Variants in PDE8B observed in about 807,000 individuals in gnomAD.
PDE8B encodes the protein high affinity cAMP-specific and IBMX-insensitive 3',5'-cyclic phosphodiesterase 8B.
Under a neutral mutation model 101.3 loss-of-function variants are expected in PDE8B, and 26 were observed. The observed-to-expected ratio is 0.26, with a 90% CI of 0.19 to 0.36. The LOEUF (loss-of-function observed/expected upper bound fraction) is 0.36, where lower values mean the gene tolerates loss of function less well. Ranked by LOEUF, PDE8B falls within the 10% of genes least tolerant of loss-of-function variation. PDE8B has a pLI of 1.00. For missense variants in PDE8B, 810 were observed against 1,163.1 expected (o/e 0.70, Z 4.42); for synonymous variants, 424 against 429.3 (o/e 0.99, Z 0.15).
upstream of PDE8B, among the ~76,000 whole-genome samples, chr5:77,206,822 T>C (rs1351277972): frequency 6.6e-6 from 1 of 152,220 alleles, no homozygotes; most frequent in Non-Finnish European, 1.5e-5. Context: ...GGTTCTGTTG[T>C]GCACGTGGAT....
rs192709755 is a variant in PDE8B, at chr5:77,360,048, G to C, written c.1167+6642G>C. Among the ~76,000 whole-genome samples the C allele has an allele frequency of 3.7e-3, 554 of 151,068 alleles. 1 individual carries two copies. Among genetic ancestry groups the C allele is most frequent in the African/African-American group, 0.013 (514 of 41,040 alleles). On this transcript the variant is annotated intron_variant, in intron 10 of 21. Coordinates refer to ENST00000264917, the MANE Select transcript of PDE8B (RefSeq NM_003719.5). Reference sequence around the variant, plus strand: ...GGAGGTTGTAGCAAGCCAAGATCATGCCGCTGCACTCCAGCCTGGGTGACA... The same window carrying C: ...GGAGGTTGTAGCAAGCCAAGATCATCCCGCTGCACTCCAGCCTGGGTGACA...
At chr5:77,407,671 G>T (rs1793755507) in intron 13 of PDE8B, among the ~76,000 whole-genome samples, 1 of 152,200 alleles carries the variant, frequency 6.6e-6, no homozygotes, top group African/African-American at 2.4e-5. Context: ...TTAGAGTAGG[G>T]CCCTTAAGTA....
the PDE8B span, among the ~76,000 whole-genome samples, chr5:77,171,913 T>G: frequency 6.6e-6 from 1 of 152,090 alleles, no homozygotes; most frequent in Non-Finnish European, 1.5e-5. Context: ...GTCAGACTCC[T>G]AGGGCACAGG....
chr5:77,351,354 C>G (rs77312696), intron 9 of PDE8B, among the ~76,000 whole-genome samples: 1 of 152,264 alleles, frequency 6.6e-6, no homozygotes, highest in African/African-American at 2.4e-5. Flanking sequence ...GAAGCATCAC[C>G]CCAACCTCCC....
intron 10 of PDE8B, among the ~76,000 whole-genome samples, chr5:77,374,760 A>G (rs959211003): frequency 3.9e-5 from 6 of 152,238 alleles, no homozygotes; most frequent in Non-Finnish European, 8.8e-5. Context: ...TTAATCTACT[A>G]TGTACCCAAG....
At chr5:77,230,611 C>T (rs1360729786) in intron 1 of PDE8B, among the ~76,000 whole-genome samples, 5 of 152,132 alleles carry the variant, frequency 3.3e-5, no homozygotes, top group African/African-American at 9.7e-5. Context: ...GGATTACAGG[C>T]GCCCACCATC....
chr5:77,100,752 C>T, the PDE8B span, among the ~76,000 whole-genome samples: 5 of 152,042 alleles, frequency 3.3e-5, no homozygotes, highest in African/African-American at 9.7e-5. Context: ...CTTATCCCAC[C>T]GTGATTTCAG....
At chr5:77,180,004 G>A in the PDE8B span, among the ~76,000 whole-genome samples, 2 of 152,200 alleles carry the variant, frequency 1.3e-5, no homozygotes, top group Admixed American at 1.3e-4. Context: ...GTTGAGGGCT[G>A]CAGGCAAATC....
the PDE8B span, among the ~76,000 whole-genome samples, chr5:77,194,927 C>A: frequency 6.6e-6 from 1 of 152,142 alleles, no homozygotes; most frequent in Admixed American, 6.5e-5. Context: ...TGTTTGAATA[C>A]CTGTTGTCAG....
At chr5:77,091,574 G>A in the PDE8B span, among the ~76,000 whole-genome samples, 1 of 152,140 alleles carries the variant, frequency 6.6e-6, no homozygotes. Flanking sequence ...CCCGGAGGCG[G>A]AGGTTGCAGC....
chr5:77,257,114 A>G (rs1759345018), intron 1 of PDE8B, among the ~76,000 whole-genome samples: 2 of 152,198 alleles, frequency 1.3e-5, no homozygotes, highest in Admixed American at 6.5e-5. Flanking sequence ...TTTCAGAAAT[A>G]CTTAGTACAT....
Position 77,408,884 on chromosome 5 carries a change from C to T in PDE8B, c.1366-9C>T. ...TATCCTCAGATGTATTCTTTCTTCA[C>T]TCCGTTAGGTTATAAATATAATCAA... is the stretch of plus-strand genomic sequence containing the variant. On this transcript the variant is annotated splice_polypyrimidine_tract_variant and intron_variant, in intron 13 of 21. Coordinates refer to ENST00000264917, the MANE Select transcript of PDE8B (RefSeq NM_003719.5). 1.9e-6 allele frequency: 3 copies of T among 1,609,138 alleles called. No homozygotes were observed. The highest frequency in any genetic ancestry group is 2.6e-6 in the Non-Finnish European group (3 of 1,175,440).
chr5:77,389,104 C>G (rs1045518510), intron 10 of PDE8B, among the ~76,000 whole-genome samples: 3 of 151,946 alleles, frequency 2.0e-5, no homozygotes, highest in Non-Finnish European at 2.9e-5. Flanking sequence ...GTGTTCCAGG[C>G]AGCACTAGGG....
chr5:77,280,898 A>AAAACAAAC (rs112803670), intron 1 of PDE8B, among the ~76,000 whole-genome samples: 7 of 151,840 alleles, frequency 4.6e-5, no homozygotes, highest in South Asian at 2.1e-4. Context: ...CTCTGTCTCA[A>AAAACAAAC]AAACAAACAA....
chr5:77,254,760 G>C (rs1561421674), intron 1 of PDE8B, among the ~76,000 whole-genome samples: 1 of 152,130 alleles, frequency 6.6e-6, no homozygotes, highest in African/African-American at 2.4e-5. Context: ...GCTGTTTTCT[G>C]TTCTTCTTGA....
intron 17 of PDE8B, among the ~76,000 whole-genome samples, chr5:77,416,370 G>A (rs1432648099): frequency 3.3e-5 from 5 of 152,210 alleles, no homozygotes; most frequent in Admixed American, 6.5e-5. Flanking sequence ...TTTGGGCCCC[G>A]TGGGTTCTCA....
rs1272853555 is a variant in PDE8B at position 77,210,763 on chromosome 5, CG to C, written c.-157del. 2 of 981,908 alleles carry C rather than the reference CG, an allele frequency of 2.0e-6. No individual in the cohort carries two copies. The highest frequency in any genetic ancestry group is 2.4e-6 in the Non-Finnish European group (2 of 829,180). 60.8% of individuals were successfully genotyped at this position (981,908 alleles called of 1,614,324 possible). ...ACGCGCGCGGTCCCCGGAGGCTCGGCGGGGGGCACCGCGGCCAGCCCGACGG... is the reference window on the plus strand; with the variant it reads ...ACGCGCGCGGTCCCCGGAGGCTCGGCGGGGGCACCGCGGCCAGCCCGACGG... On this transcript the variant is annotated 5_prime_UTR_variant, in exon 1 of 22. Transcript: ENST00000264917. This position sits in a 1 kb window ranked among gnomAD's most constrained non-coding sequence, Gnocchi z 4.9.
chr5:77,315,946 A>G (rs1773688821), intron 2 of PDE8B, among the ~76,000 whole-genome samples: 2 of 151,388 alleles, frequency 1.3e-5, no homozygotes, highest in East Asian at 1.9e-4. Flanking sequence ...TTATAACTTT[A>G]TTTTGAGTAG....
chr5:77,214,179 T>C (rs937464278), intron 1 of PDE8B, among the ~76,000 whole-genome samples: 6 of 152,256 alleles, frequency 3.9e-5, no homozygotes, highest in African/African-American at 1.4e-4. Flanking sequence ...AACCTCTCTC[T>C]GGGAAGAACC....
Sources: allele counts gnomAD v4.1 joint callset (sites outside exome capture counted in the v4.1 genomes callset), GRCh38; gene constraint gnomAD v4.1.1; non-coding constraint Gnocchi (gnomAD v3.1); transcripts MANE v1.5; gene names NCBI Gene and HGNC (gene_info 2026-07-23, HGNC 2026-07-21).